The following POLQ variants were observed in gnomAD, a reference collection of about 807,000 sequenced individuals.
The protein encoded by POLQ is epididymis secretory sperm binding protein.
Under a neutral mutation model 259.2 loss-of-function variants are expected in POLQ, and 233 were observed. The ratio of observed to expected loss-of-function variants is 0.90; its 90% CI spans 0.81 to 1.00. POLQ has a LOEUF of 1.00. POLQ is among the 50% of genes least tolerant of loss of function. The pLI is 0.00. For missense variants in POLQ, 2,871 were observed against 3,051.6 expected, an observed-to-expected ratio of 0.94 and a Z score of 1.39; for synonymous variants, 1,025 against 1,048.8, an observed-to-expected ratio of 0.98 and a Z score of 0.44.
Position 121,493,675 on chromosome 3 carries a change from T to A in POLQ, c.2325A>T (p.Glu775Asp). 1.2e-6 allele frequency: 2 copies of A among 1,613,776 alleles called. No individual in the cohort carries two copies. The highest frequency in any genetic ancestry group is 1.7e-6 in the Non-Finnish European group (2 of 1,179,646). Residue 775 changes from glutamate (E) to aspartate (D), a missense_variant, in exon 15 of 30, where the codon GAA becomes GAT. Glu to Asp is a conservative substitution (Grantham distance 45, BLOSUM62 2). Transcript: ENST00000264233. ...GCTTCTGAAATTGGGAAAGTAGTAG[T>A]TCCATGTTGTGCCAGCCCAGACGGT... ...FSNRLGWHNM[E>D]LLLSQFQKRL...
In POLQ at chr3:121,487,926, T is replaced by C; in HGVS notation, c.5005A>G (p.Asn1669Asp). The C allele has an allele frequency of 1.9e-6, 3 of 1,604,326 alleles. No homozygotes were observed. The highest frequency in any genetic ancestry group is 1.7e-6 in the Non-Finnish European group (2 of 1,176,868). The change falls in exon 16 of 30, where the codon AAT (asparagine) becomes GAT (aspartate). Residue 1669 changes from asparagine to aspartate, a missense_variant. Physicochemically the swap from Asn to Asp is conservative, Grantham distance 23. Transcript: ENST00000264233. Reference protein sequence around the residue: ...KSMTINFSSLNRKNTELNEEQ... With the variant: ...KSMTINFSSLDRKNTELNEEQ... ...TCATTTAACTCTGTATTTTTTCTAT[T>C]CAAACTGGAAAAGTTTATAGTCATT...
At chr3:121,509,234 G>A (rs975961354) in intron 12 of POLQ, among the ~76,000 whole-genome samples, 1 of 152,002 alleles carries the variant, frequency 6.6e-6, no homozygotes, top group Non-Finnish European at 1.5e-5. Flanking sequence ...CTTTGCTTGA[G>A]TTTTACATCA....
chr3:121,510,306 G>C lies in POLQ; in HGVS notation c.1612-63C>G, dbSNP rs1403555950. The C allele has an allele frequency of 3.3e-6, 4 of 1,203,948 alleles. No homozygotes were observed. In the South Asian group the frequency reaches 3.9e-5, roughly 12 times the overall value. The allele number at this position is 1,203,948 out of a possible 1,614,324, so 74.6% of individuals were successfully genotyped here. ...AGAAAACATGCAAGCCACCGGGCGC[G>C]GTGGCTCATGCCTGTAATCCCAGCA... On this transcript the variant is annotated intron_variant, in intron 10 of 29. Coordinates refer to ENST00000264233, the MANE Select transcript of POLQ (RefSeq NM_199420.4).
At chr3:121,528,906 C>G (rs7639063) in intron 7 of POLQ, among the ~76,000 whole-genome samples, 1 of 152,020 alleles carries the variant, frequency 6.6e-6, no homozygotes, top group East Asian at 1.9e-4. Flanking sequence ...GAGCCGAGAT[C>G]ATGCCATTGT....
intron 6 of POLQ, 68 bp from the exon 7 acceptor site, chr3:121,529,860 A>G: frequency 8.2e-7 from 1 of 1,225,722 alleles, no homozygotes; most frequent in Non-Finnish European, 1.1e-6. Flanking sequence ...GTTTAAAAGC[A>G]CTCATTTTCC....
intron 12 of POLQ, among the ~76,000 whole-genome samples, chr3:121,503,360 G>C (rs1352357049): frequency 6.6e-6 from 1 of 152,144 alleles, no homozygotes; most frequent in African/African-American, 2.4e-5. Flanking sequence ...TTCTCAGAAT[G>C]TATCACTGTC....
chr3:121,494,104 C>A (rs1195328409), intron 14 of POLQ: 2 of 713,064 alleles, frequency 2.8e-6, no homozygotes, highest in Non-Finnish European at 5.0e-6. Context: ...CTTCCCGCCA[C>A]CCAAGATGCC....
intron 11 of POLQ, 149 bp downstream of exon 11, chr3:121,509,890 C>T: frequency 1.2e-6 from 1 of 807,732 alleles, no homozygotes; most frequent in Non-Finnish European, 2.0e-6. Context: ...AAATACAATA[C>T]TGATTTACTA....
intron 25 of POLQ, among the ~76,000 whole-genome samples, chr3:121,455,708 C>A (rs1330720056): frequency 1.2e-4 from 19 of 152,162 alleles, no homozygotes. Flanking sequence ...TCTGAATAGA[C>A]CAATAACAGG....
At position 121,512,049 on chromosome 3, in the gene POLQ, A is replaced by G; in HGVS notation, c.1469-20T>C. The G allele has an allele frequency of 6.2e-7, 1 of 1,603,074 alleles. No homozygotes were observed. Among genetic ancestry groups the G allele is most frequent in the Non-Finnish European group, 8.5e-7 (1 of 1,174,378 alleles). On this transcript the variant is annotated intron_variant, in intron 9 of 29. Coordinates refer to ENST00000264233, the MANE Select transcript of POLQ (RefSeq NM_199420.4). ...TCTCGCCTATAACCAAAAGATACAC[A>G]TTTGCAAAATCCCAATATAGTTCCA...
At position 121,541,346 on chromosome 3, in the gene POLQ, T is replaced by G; in HGVS notation, c.474+3A>C. The G allele has an allele frequency of 6.3e-7, 1 of 1,584,824 alleles. No homozygotes were observed. The highest frequency in any genetic ancestry group is 1.2e-5 in the South Asian group (1 of 86,382). On this transcript the variant is annotated splice_donor_region_variant and intron_variant, in intron 3 of 29. Coordinates refer to ENST00000264233, the MANE Select transcript of POLQ (RefSeq NM_199420.4). ...CTATTTCAAACTTAGTAAAAAACAT[T>G]ACCTGGAGGTAGTATTTCTTCTCTT...
chr3:121,473,416 AC>A lies in POLQ; in HGVS notation c.6476del (p.Gly2159ValfsTer13). 1 of 1,613,712 alleles carries A rather than the reference AC, an allele frequency of 6.2e-7. No individual in the cohort carries two copies. Among genetic ancestry groups the A allele is most frequent in the Non-Finnish European group, 8.5e-7 (1 of 1,179,676 alleles). ...CATTGTCAATCCCTCTTCTGGTAGA[AC>A]CCAGAGTTTTCTTGCTGCCTTGGTT... ...MKNQGSKKTLGSTRRGIDNGR... is the reference protein window; with the variant it reads ...MKNQGSKKTLXSTRRGIDNGR... On this transcript the variant is annotated frameshift_variant, in exon 21 of 30. Transcript: ENST00000264233. LOFTEE classifies it high-confidence loss of function.
At chr3:121,458,673 C>T (rs1002790123) in intron 25 of POLQ, among the ~76,000 whole-genome samples, 2 of 152,116 alleles carry the variant, frequency 1.3e-5, no homozygotes, top group Admixed American at 6.5e-5. Flanking sequence ...ACAGAGCTGG[C>T]TTTTTAAATA....
chr3:121,523,218 C>T (rs1261091860), intron 7 of POLQ, among the ~76,000 whole-genome samples: 4 of 151,928 alleles, frequency 2.6e-5, no homozygotes, highest in African/African-American at 9.7e-5. Context: ...TAGGGTCTCC[C>T]TAGGTTGCCC....
intron 27 of POLQ, among the ~76,000 whole-genome samples, chr3:121,438,866 G>A (rs1301351524): frequency 6.6e-6 from 1 of 152,186 alleles, no homozygotes; most frequent in Non-Finnish European, 1.5e-5. Flanking sequence ...TGGGAGGCTA[G>A]AGAGTAAAGC....
intron 14 of POLQ, chr3:121,494,357 A>C: frequency 1.3e-6 from 2 of 1,597,458 alleles, no homozygotes; most frequent in Non-Finnish European, 8.5e-7. Context: ...TAACCAGTTC[A>C]CCCAGGCCCT....
rs1163224537 is a variant in POLQ, at chr3:121,489,963, T to C, written c.2968A>G (p.Lys990Glu). The C allele has an allele frequency of 6.3e-7, 1 of 1,580,516 alleles. No individual in the cohort carries two copies. The highest frequency in any genetic ancestry group is 8.5e-7 in the Non-Finnish European group (1 of 1,171,108). ...TTATTTATATCTAAAGAGGCCCGTT[T>C]TCTTGCTCTGAAAATGGAACATGTC... Reference protein sequence around the residue: ...HQTCSIFRARKRASLDINKEK... With the variant: ...HQTCSIFRARERASLDINKEK... Residue 990 changes from lysine (K) to glutamate (E), a missense_variant, in exon 16 of 30, where the codon AAA becomes GAA. By Grantham distance (56) the Lys-to-Glu change is moderately conservative. This residue lies in a region of POLQ where 2,080 missense variants were observed against 2,126.0 expected (regional missense o/e 0.98). Coordinates refer to ENST00000264233, the MANE Select transcript of POLQ (RefSeq NM_199420.4).
At chr3:121,443,761 A>G (rs2047612138) in intron 26 of POLQ, among the ~76,000 whole-genome samples, 1 of 151,994 alleles carries the variant, frequency 6.6e-6, no homozygotes, top group Non-Finnish European at 1.5e-5. Flanking sequence ...TTTTGATTTT[A>G]TTTTGTATAT....
chr3:121,539,707 A>T, intron 3 of POLQ, 118 bp from the exon 4 acceptor site: 1 of 745,044 alleles, frequency 1.3e-6, no homozygotes, highest in Admixed American at 2.9e-5. Flanking sequence ...GATTACTGTC[A>T]TCAGTTGTTT....
Sources: gnomAD v4.1 joint callset for allele counts (sites outside exome capture counted in the v4.1 genomes callset) on GRCh38, gnomAD v4.1.1 for gene constraint, gnomAD v4.1.1 regional missense constraint, MANE v1.5 for transcripts, NCBI Gene and HGNC (gene_info 2026-07-23, HGNC 2026-07-21) for gene names.